FIBCD1: variants seen among roughly 807,000 people sequenced by gnomAD.
FIBCD1 encodes fibrinogen C domain-containing protein 1.
A neutral mutation model predicts 45.1 loss-of-function variants in FIBCD1; 47 were observed. The observed-to-expected ratio is 1.04, with a 90% CI of 0.82 to 1.33. The LOEUF (loss-of-function observed/expected upper bound fraction) is 1.33, where lower values mean the gene tolerates loss of function less well. Ranked by LOEUF, FIBCD1 falls within the 40% of genes most tolerant of loss-of-function variation. FIBCD1 has a pLI of 0.00. For synonymous variants in FIBCD1, 313 were observed against 308.1 expected, an observed-to-expected ratio of 1.02 and a Z score of -0.17; for missense variants, 653 against 682.2, an observed-to-expected ratio of 0.96 and a Z score of 0.48.
chr9:130,920,423 G>A (rs1832242636), intron 4 of FIBCD1, among the ~76,000 whole-genome samples: 1 of 152,134 alleles, frequency 6.6e-6, no homozygotes, highest in Non-Finnish European at 1.5e-5. Flanking sequence ...CTGCAGAGCG[G>A]CTCTATATGG....
intron 5 of FIBCD1, among the ~76,000 whole-genome samples, chr9:130,907,136 G>A (rs1279322466): frequency 6.6e-6 from 1 of 152,180 alleles, no homozygotes; most frequent in Non-Finnish European, 1.5e-5. Context: ...CGGGGATGCT[G>A]GAAGATTCCT....
intron 4 of FIBCD1, among the ~76,000 whole-genome samples, chr9:130,921,041 T>C (rs535386722): frequency 4.0e-4 from 61 of 152,306 alleles, no homozygotes; most frequent in Admixed American, 2.8e-3. Context: ...CTCCAGGGAT[T>C]GAAGGGCGCT....
At chr9:130,930,395 T>TGGGGAGATGCGGGGAGACGC (rs1564340918) in intron 1 of FIBCD1, among the ~76,000 whole-genome samples, 1 of 120,396 alleles carries the variant, frequency 8.3e-6, no homozygotes, top group African/African-American at 3.2e-5. Context: ...CGGGGAGACA[T>TGGGGAGATGCGGGGAGACGC]GGGGAGATGC....
At chr9:130,923,633 G>A in intron 4 of FIBCD1, 111 bp downstream of exon 4, 1 of 1,474,236 alleles carries the variant, frequency 6.8e-7, no homozygotes, top group East Asian at 2.5e-5. Flanking sequence ...CCAGTCCACA[G>A]ATCCATGGTG....
chr9:130,908,549 T>C (rs1021735253), intron 5 of FIBCD1, among the ~76,000 whole-genome samples: 4 of 152,146 alleles, frequency 2.6e-5, no homozygotes, highest in Admixed American at 2.0e-4. Context: ...TGGGCGCCAG[T>C]GTGTAGACCC....
intron 5 of FIBCD1, among the ~76,000 whole-genome samples, chr9:130,906,952 G>C (rs1048771762): frequency 1.3e-5 from 2 of 152,150 alleles, no homozygotes; most frequent in Admixed American, 1.3e-4. Context: ...ATTTTATAGG[G>C]GAGGAAAATG....
chr9:130,935,943 C>T (rs1420956116), intron 1 of FIBCD1, among the ~76,000 whole-genome samples: 2 of 152,208 alleles, frequency 1.3e-5, no homozygotes, highest in East Asian at 1.9e-4. Context: ...TAAAGAACCT[C>T]GGCCAGGCCC....
At chr9:130,924,189 G>C (rs943372630) in intron 3 of FIBCD1, 48 bp downstream of exon 3, 1 of 1,511,798 alleles carries the variant, frequency 6.6e-7, no homozygotes, top group Non-Finnish European at 8.8e-7. Flanking sequence ...CCGCTCCCCA[G>C]AGCTGGGACC....
At chr9:130,917,313 T>A (rs2133091632) in intron 4 of FIBCD1, among the ~76,000 whole-genome samples, 1 of 152,304 alleles carries the variant, frequency 6.6e-6, no homozygotes, top group Middle Eastern at 3.4e-3. Flanking sequence ...GTTTTCTTGG[T>A]GCGGATTCTC....
At chr9:130,912,704 GAAAAAA>G (rs10538277) in intron 4 of FIBCD1, among the ~76,000 whole-genome samples, 10 of 141,944 alleles carry the variant, frequency 7.0e-5, no homozygotes, top group African/African-American at 2.5e-4. Context: ...AAAACTGTCT[GAAAAAA>G]AAAAAAGGGA....
At chr9:130,911,556 C>T (rs371677954) in intron 5 of FIBCD1, among the ~76,000 whole-genome samples, 2 of 152,254 alleles carry the variant, frequency 1.3e-5, no homozygotes, top group East Asian at 1.9e-4. Flanking sequence ...ATGTGGGACC[C>T]TCAGCCTTTA....
intron 4 of FIBCD1, among the ~76,000 whole-genome samples, chr9:130,919,128 C>T (rs990459715): frequency 2.0e-5 from 3 of 152,220 alleles, no homozygotes; most frequent in African/African-American, 4.8e-5. Flanking sequence ...TGAGCCACGG[C>T]GGGCGCGGGG....
chr9:130,905,956 C>T (rs1204963728), intron 5 of FIBCD1, among the ~76,000 whole-genome samples: 3 of 151,818 alleles, frequency 2.0e-5, no homozygotes, highest in Admixed American at 6.6e-5. Context: ...TTCAGGGTCC[C>T]GGCTGCCTAT....
chr9:130,931,410 G>A (rs1037135190), intron 1 of FIBCD1, among the ~76,000 whole-genome samples: 9 of 152,220 alleles, frequency 5.9e-5, no homozygotes, highest in African/African-American at 1.9e-4. Flanking sequence ...TCGGGAGGCT[G>A]AGGCACGAGA....
At chr9:130,917,041 C>T (rs372827288) in intron 4 of FIBCD1, among the ~76,000 whole-genome samples, 1,683 of 152,246 alleles carry the variant, frequency 0.011, 25 homozygotes, top group African/African-American at 0.033. Context: ...GAGGTTGCAG[C>T]GAGCCAAGAT....
intron 6 of FIBCD1, 101 bp from the exon 7 acceptor site, chr9:130,904,424 C>T (rs7023871): frequency 0.2 from 302,828 of 1,487,808 alleles, 35,738 homozygotes; most frequent in East Asian, 0.52. Flanking sequence ...TGCACCTGGA[C>T]GTGAGTGCAT....
intron 1 of FIBCD1, chr9:130,930,714 C>A (rs570767322): frequency 2.2e-4 from 101 of 454,800 alleles, no homozygotes; most frequent in Non-Finnish European, 4.2e-4. Context: ...CCAGACGGGA[C>A]AGGGCTCAGG....
At chr9:130,915,290 C>T (rs1009710071) in intron 4 of FIBCD1, among the ~76,000 whole-genome samples, 14 of 152,208 alleles carry the variant, frequency 9.2e-5, no homozygotes, top group Non-Finnish European at 1.3e-4. Context: ...TCCTTGGTGC[C>T]GATCAATTGG....
intron 5 of FIBCD1, among the ~76,000 whole-genome samples, chr9:130,910,473 G>A (rs10119251): frequency 1.3e-5 from 2 of 152,194 alleles, no homozygotes; most frequent in East Asian, 1.9e-4. Context: ...CACAGCGCCC[G>A]GTCCCATCGA....
Sources: allele counts gnomAD v4.1 joint callset (sites outside exome capture counted in the v4.1 genomes callset), GRCh38; gene constraint gnomAD v4.1.1; transcripts MANE v1.5; gene names NCBI Gene and HGNC (gene_info 2026-07-23, HGNC 2026-07-21).